The following ADAMTSL1 variants were observed in gnomAD, a reference collection of about 807,000 sequenced individuals.
ADAMTSL1 encodes ADAMTS-like protein 1.
In ADAMTSL1, 126 loss-of-function variants were observed where a neutral mutation model predicts 201.8. The ratio of observed to expected loss-of-function variants is 0.62; its 90% CI spans 0.54 to 0.72. The LOEUF (loss-of-function observed/expected upper bound fraction) is 0.72. ADAMTSL1 is among the 30% of genes least tolerant of loss of function. The probability of loss-of-function intolerance (pLI) is 0.00; values close to 1 mark genes in which losing one functional copy is unlikely to be tolerated. For synonymous variants in ADAMTSL1, 1,121 were observed against 903.4 expected (o/e 1.24, Z -4.32); for missense variants, 2,679 against 2,277.8 (o/e 1.18, Z -3.59).
At chr9:18,907,189 C>T (rs1830365097) in intron 28 of ADAMTSL1, 1 of 460,560 alleles carries the variant, frequency 2.2e-6, no homozygotes, top group East Asian at 4.2e-5. Flanking sequence ...AATCAGCCTC[C>T]AGTTCCCCTG....
chr9:18,487,930 T>A (rs1460367013), intron 1 of ADAMTSL1, among the ~76,000 whole-genome samples: 1 of 152,198 alleles, frequency 6.6e-6, no homozygotes, highest in Admixed American at 6.5e-5. Context: ...TTATAGCAAC[T>A]TGAATGAATT....
rs143783046 is a variant in ADAMTSL1, at chr9:17,962,190, C to G, written c.87+55268C>G. On this transcript the variant is annotated intron_variant, in intron 1 of 29. Transcript: ENST00000680146. ...CGGCTGACCAGGGTGAAACCAGAAC[C>G]CAGGCTTACCAGCCTTAGTTTAAAC... 8.5e-3 allele frequency among the ~76,000 whole-genome samples: 1,298 copies of G among 152,242 alleles called. 11 individuals are homozygous for G. The highest frequency in any genetic ancestry group is 0.013 in the Non-Finnish European group (896 of 68,018).
intron 2 of ADAMTSL1, among the ~76,000 whole-genome samples, chr9:18,378,094 C>T (rs1260759790): frequency 6.6e-6 from 1 of 152,100 alleles, no homozygotes; most frequent in Non-Finnish European, 1.5e-5. Flanking sequence ...CTTTCTTTCT[C>T]TTCTGTGTAA....
At chr9:18,065,707 G>A (rs546340276) in intron 1 of ADAMTSL1, among the ~76,000 whole-genome samples, 68 of 152,222 alleles carry the variant, frequency 4.5e-4, no homozygotes, top group African/African-American at 1.4e-3. Flanking sequence ...AGGGCCAGGC[G>A]CGGTGGCTCA....
chr9:18,761,094 A>C (rs1424704308), intron 16 of ADAMTSL1, among the ~76,000 whole-genome samples: 1 of 152,252 alleles, frequency 6.6e-6, no homozygotes, highest in Admixed American at 6.5e-5. Context: ...GAGTGAATGA[A>C]GAAACAAGTG....
At chr9:18,803,441 T>G (rs1822923971) in intron 20 of ADAMTSL1, among the ~76,000 whole-genome samples, 1 of 152,214 alleles carries the variant, frequency 6.6e-6, no homozygotes, top group African/African-American at 2.4e-5. Context: ...CCTTGATAAC[T>G]TAGAATAATC....
At chr9:17,933,268 C>T (rs1230482976) in intron 1 of ADAMTSL1, among the ~76,000 whole-genome samples, 3 of 152,166 alleles carry the variant, frequency 2.0e-5, no homozygotes, top group Non-Finnish European at 2.9e-5. Flanking sequence ...CCACTCTCTG[C>T]TTCTGCCTTT....
chr9:18,441,261 T>C (rs1312968287), intron 2 of ADAMTSL1, among the ~76,000 whole-genome samples: 1 of 152,150 alleles, frequency 6.6e-6, no homozygotes, highest in Non-Finnish European at 1.5e-5. Flanking sequence ...AACCACTGCA[T>C]TGTACACTTT....
intron 11 of ADAMTSL1, 116 bp from the exon 12 acceptor site, chr9:18,681,696 G>GTGT: frequency 3.0e-6 from 2 of 664,858 alleles, no homozygotes; most frequent in Non-Finnish European, 2.1e-6. Context: ...GAGTCCTCGT[G>GTGT]TGGGGGGGGG....
At chr9:18,094,213 T>G (rs190060432) in intron 1 of ADAMTSL1, among the ~76,000 whole-genome samples, 53 of 152,312 alleles carry the variant, frequency 3.5e-4, no homozygotes, top group Non-Finnish European at 5.4e-4. Context: ...GTTTCAAGAA[T>G]TTATCTCCAT....
At chr9:18,462,801 T>C (rs998848781) in intron 2 of ADAMTSL1, among the ~76,000 whole-genome samples, 1 of 151,964 alleles carries the variant, frequency 6.6e-6, no homozygotes, top group African/African-American at 2.4e-5. Flanking sequence ...TAGTTGGGCA[T>C]GGTGGCACGC....
At chr9:18,092,327 G>GT (rs1824059215) in intron 1 of ADAMTSL1, among the ~76,000 whole-genome samples, 2 of 152,132 alleles carry the variant, frequency 1.3e-5, no homozygotes, top group Admixed American at 1.3e-4. Flanking sequence ...GGCGAGGAAG[G>GT]CTTCGCAAAG....
At chr9:18,202,261 A>G (rs1324937786) in intron 2 of ADAMTSL1, among the ~76,000 whole-genome samples, 7 of 152,186 alleles carry the variant, frequency 4.6e-5, no homozygotes, top group Non-Finnish European at 7.3e-5. Flanking sequence ...ATTTCAACAG[A>G]TTTCTTGATT....
chr9:18,872,097 G>A (rs1827901324), intron 23 of ADAMTSL1, among the ~76,000 whole-genome samples: 1 of 151,984 alleles, frequency 6.6e-6, no homozygotes, highest in Non-Finnish European at 1.5e-5. Context: ...GCTTCTTCCA[G>A]AATACCCTCC....
intron 1 of ADAMTSL1, among the ~76,000 whole-genome samples, chr9:18,074,421 C>G (rs917365881): frequency 6.6e-6 from 1 of 152,080 alleles, no homozygotes; most frequent in Admixed American, 6.5e-5. Flanking sequence ...AGGACTCATT[C>G]CACTTTGGCC....
At chr9:18,226,082 C>T (rs1236070825) in intron 2 of ADAMTSL1, among the ~76,000 whole-genome samples, 1 of 152,068 alleles carries the variant, frequency 6.6e-6, no homozygotes, top group East Asian at 1.9e-4. Context: ...TAGGAGTTTT[C>T]TTTAGTCATG....
At chr9:18,635,840 CTG>C in intron 5 of ADAMTSL1, 101 bp from the exon 6 acceptor site, 1 of 908,256 alleles carries the variant, frequency 1.1e-6, no homozygotes, top group South Asian at 1.6e-5. Flanking sequence ...CTTAAAAAAA[CTG>C]TAGTTTTTAA....
At chr9:18,076,331 G>T (rs1247885762) in intron 1 of ADAMTSL1, among the ~76,000 whole-genome samples, 3 of 152,126 alleles carry the variant, frequency 2.0e-5, no homozygotes, top group Non-Finnish European at 2.9e-5. Context: ...CTGTAGTCTA[G>T]GTATTGTCCT....
At chr9:18,902,506 ATCAG>A (rs1411140533) in intron 26 of ADAMTSL1, among the ~76,000 whole-genome samples, 4 of 69,532 alleles carry the variant, frequency 5.8e-5, no homozygotes, top group Non-Finnish European at 7.7e-5. Context: ...CAAACAGTAA[ATCAG>A]TCAGAAAAGA....
Sources: allele counts gnomAD v4.1 joint callset (sites outside exome capture counted in the v4.1 genomes callset), GRCh38; gene constraint gnomAD v4.1.1; transcripts MANE v1.5; gene names NCBI Gene and HGNC (gene_info 2026-07-23, HGNC 2026-07-21).